PET117: variants seen among roughly 807,000 people sequenced by gnomAD.
PET117 encodes the protein protein PET117 homolog, mitochondrial.
A neutral mutation model predicts 9.2 loss-of-function variants in PET117; 10 were observed. The observed-to-expected ratio is 1.09, with a 90% CI of 0.67 to 1.85. The LOEUF (loss-of-function observed/expected upper bound fraction) is 1.85, where lower values mean the gene tolerates loss of function less well. PET117 is among the 40% of genes most tolerant of loss of function. PET117 has a pLI of 0.00. For missense variants in PET117, 96 were observed against 98.2 expected (o/e 0.98, Z 0.09); for synonymous variants, 43 against 37.1 (o/e 1.16, Z -0.57).
intron 1 of PET117, chr20:18,138,537 T>G: frequency 1.2e-6 from 1 of 843,292 alleles, no homozygotes; most frequent in Non-Finnish European, 1.4e-6. Context: ...TTTTACGTGC[T>G]ATTGATTTTA....
At position 18,143,131 on chromosome 20, in the gene PET117, C is replaced by A; in HGVS notation, c.*774C>A. ...CCTCTATCACATTGTTAAATTAACA[C>A]TTTTGGTGGTAACTCAATAAAATTG... On this transcript the variant is annotated 3_prime_UTR_variant, in exon 2 of 2. Transcript: ENST00000432901. 1 of 1,297,528 alleles carries A rather than the reference C, an allele frequency of 7.7e-7. No individual in the cohort carries two copies. The highest frequency in any genetic ancestry group is 9.8e-7 in the Non-Finnish European group (1 of 1,019,506). 80.4% of individuals were successfully genotyped at this position (1,297,528 alleles called of 1,614,324 possible).
At chr20:18,138,587 C>A in intron 1 of PET117, 1 of 415,960 alleles carries the variant, frequency 2.4e-6, no homozygotes, top group Non-Finnish European at 3.2e-6. Context: ...TACTCACTCT[C>A]CATGCCTTTG....
intron 1 of PET117, among the ~76,000 whole-genome samples, chr20:18,139,633 CGTGTGTGTGTGTGTGTGTGTGTGTGT>C (rs71194228): frequency 1.2e-4 from 17 of 141,722 alleles, no homozygotes; most frequent in Non-Finnish European, 1.7e-4. Flanking sequence ...ACCAAAATAA[CGTGTGTGTGTGTGTGTGTGTGTGTGT>C]GTGTGTGTGT....
At position 18,142,908 on chromosome 20, in the gene PET117, G is replaced by A; in HGVS notation, c.*551G>A. Reference sequence around the variant, plus strand: ...TACTTCTGTGACAAGTGCCAAAAATGGATACCAGCCAGTAAGGAGCTTCTC... The same window carrying A: ...TACTTCTGTGACAAGTGCCAAAAATAGATACCAGCCAGTAAGGAGCTTCTC... On this transcript the variant is annotated 3_prime_UTR_variant, in exon 2 of 2. Transcript: ENST00000432901. The A allele has an allele frequency of 6.2e-7, 1 of 1,613,838 alleles. No individual in the cohort carries two copies. Among genetic ancestry groups the A allele is most frequent in the Non-Finnish European group, 8.5e-7 (1 of 1,179,752 alleles).
At chr20:18,141,485 G>A (rs1361661137) in intron 1 of PET117, among the ~76,000 whole-genome samples, 1 of 152,018 alleles carries the variant, frequency 6.6e-6, no homozygotes, top group African/African-American at 2.4e-5. Context: ...TTTTTCTGTT[G>A]GTGTTTATTG....
At chr20:18,138,332 A>C (rs974035893) in intron 1 of PET117, 5 of 1,128,070 alleles carry the variant, frequency 4.4e-6, no homozygotes, top group Non-Finnish European at 5.4e-6. Context: ...CTTGCTCCGC[A>C]CAGGCACGGC....
At chr20:18,141,779 G>A (rs530614943) in intron 1 of PET117, among the ~76,000 whole-genome samples, 91 of 152,318 alleles carry the variant, frequency 6.0e-4, no homozygotes, top group African/African-American at 2.1e-3. Context: ...AGCTACTCGG[G>A]AGGCTGAGGC....
At chr20:18,138,681 A>G (rs532886416) in intron 1 of PET117, among the ~76,000 whole-genome samples, 25 of 152,322 alleles carry the variant, frequency 1.6e-4, no homozygotes, top group Non-Finnish European at 3.1e-4. Flanking sequence ...AACGATAGAG[A>G]TAACAGTCTC....
chr20:18,142,732 A>G lies in PET117; in HGVS notation c.*375A>G. The G allele has an allele frequency of 6.2e-7, 1 of 1,614,224 alleles. No individual in the cohort carries two copies. Among genetic ancestry groups the G allele is most frequent in the Non-Finnish European group, 8.5e-7 (1 of 1,180,026 alleles). ...ACGAAGCCACGAGAACATCGACCTC[A>G]GAAGGACTGGAGGAAGGTGAAGTGG... On this transcript the variant is annotated 3_prime_UTR_variant, in exon 2 of 2. Coordinates refer to ENST00000432901, the MANE Select transcript of PET117 (RefSeq NM_001164811.2).
At chr20:18,139,813 A>T (rs1373407738) in intron 1 of PET117, among the ~76,000 whole-genome samples, 1 of 152,126 alleles carries the variant, frequency 6.6e-6, no homozygotes. Context: ...AATAATGAAT[A>T]TTGATTCCTG....
intron 1 of PET117, among the ~76,000 whole-genome samples, chr20:18,141,665 C>T (rs1357178460): frequency 6.6e-6 from 1 of 152,192 alleles, no homozygotes; most frequent in African/African-American, 2.4e-5. Context: ...AGGTGGATTA[C>T]TTGAGATCAG....
intron 1 of PET117, among the ~76,000 whole-genome samples, chr20:18,138,826 G>A (rs1200032817): frequency 6.6e-6 from 1 of 152,068 alleles, no homozygotes; most frequent in Non-Finnish European, 1.5e-5. Flanking sequence ...ATTACTGTGT[G>A]GAAGCTACCT....
In PET117 at chr20:18,142,506, G is replaced by A; in HGVS notation, c.*149G>A. On this transcript the variant is annotated 3_prime_UTR_variant, in exon 2 of 2. Coordinates refer to ENST00000432901, the MANE Select transcript of PET117 (RefSeq NM_001164811.2). ...AGGACAGTGGGTCATATAAGTTACT[G>A]CTTTCAGGGTCCCTTATATCTGAAT... 1 of 1,459,410 alleles carries A rather than the reference G, an allele frequency of 6.9e-7. No homozygotes were observed. The highest frequency in any genetic ancestry group is 2.5e-5 in the East Asian group (1 of 40,306). The allele number at this position is 1,459,410 out of a possible 1,614,324, so 90.4% of individuals were successfully genotyped here. A position where few individuals can be genotyped will look rare whatever the true frequency, so the allele number is the denominator to read the frequency against.
intron 1 of PET117, among the ~76,000 whole-genome samples, chr20:18,141,053 A>C (rs967002766): frequency 3.9e-5 from 2 of 51,388 alleles, no homozygotes; most frequent in Non-Finnish European, 4.0e-5. Flanking sequence ...TTTTATTTTT[A>C]TTTTTGCTAG....
chr20:18,138,326 C>T (rs566169741), intron 1 of PET117: 2 of 1,143,812 alleles, frequency 1.7e-6, no homozygotes, highest in African/African-American at 3.2e-5. Flanking sequence ...AGGGGCCTTG[C>T]TCCGCACAGG....
intron 1 of PET117, among the ~76,000 whole-genome samples, chr20:18,139,608 AG>A (rs2037443732): frequency 6.6e-6 from 1 of 151,118 alleles, no homozygotes; most frequent in Non-Finnish European, 1.5e-5. Flanking sequence ...GTTATTTGGA[AG>A]TTAGAGCTGA....
intron 1 of PET117, chr20:18,138,626 C>T (rs1471808455): frequency 4.5e-6 from 1 of 221,056 alleles, no homozygotes; most frequent in East Asian, 1.8e-4. Flanking sequence ...GATGTTTGCA[C>T]TTCTCGTTTA....
chr20:18,141,692 T>C (rs1385095897), intron 1 of PET117, among the ~76,000 whole-genome samples: 2 of 152,170 alleles, frequency 1.3e-5, no homozygotes, highest in Admixed American at 1.3e-4. Context: ...GAGACCAGCT[T>C]GGCTGACGTG....
In PET117 at chr20:18,142,708, C is replaced by T. The variant is rs774455402; in HGVS notation, c.*351C>T. The T allele has an allele frequency of 5.8e-5, 93 of 1,613,996 alleles. No individual in the cohort carries two copies. Among genetic ancestry groups the T allele is most frequent in the Non-Finnish European group, 7.4e-5 (87 of 1,180,046 alleles). On this transcript the variant is annotated 3_prime_UTR_variant, in exon 2 of 2. Transcript: ENST00000432901. Reference sequence around the variant, plus strand: ...GTAGTCTGATCAGTCGGCATGATGACGAAGCCACGAGAACATCGACCTCAG... The same window carrying T: ...GTAGTCTGATCAGTCGGCATGATGATGAAGCCACGAGAACATCGACCTCAG...
Sources: gnomAD v4.1 joint callset for allele counts (sites outside exome capture counted in the v4.1 genomes callset) on GRCh38, gnomAD v4.1.1 for gene constraint, MANE v1.5 for transcripts, NCBI Gene and HGNC (gene_info 2026-07-23, HGNC 2026-07-21) for gene names.